Variants in VANGL1 observed in about 807,000 individuals in gnomAD.
VANGL1 encodes the protein vang-like protein 1.
Under a neutral mutation model 48.4 loss-of-function variants are expected in VANGL1, and 18 were observed. The observed-to-expected ratio is 0.37, with a 90% confidence interval of 0.26 to 0.55. The LOEUF is 0.55. VANGL1 is among the 20% of genes least tolerant of loss of function. VANGL1 has a pLI of 0.81. For missense variants in VANGL1, 667 were observed against 675.8 expected, an observed-to-expected ratio of 0.99 and a Z score of 0.14; for synonymous variants, 257 against 261.8, an observed-to-expected ratio of 0.98 and a Z score of 0.18.
intron 1 of VANGL1, among the ~76,000 whole-genome samples, chr1:115,647,198 CA>C (rs1362460675): frequency 1.7e-4 from 25 of 145,120 alleles, no homozygotes; most frequent in African/African-American, 6.5e-4. Context: ...TGAGTCATGT[CA>C]GGGGTCAGTA....
At chr1:115,666,136 C>A (rs1652775826) in intron 4 of VANGL1, among the ~76,000 whole-genome samples, 1 of 152,184 alleles carries the variant, frequency 6.6e-6, no homozygotes, top group East Asian at 1.9e-4. Flanking sequence ...ATTTGGAACT[C>A]TGTATATGTA....
At chr1:115,678,159 T>G (rs1323911974) in intron 4 of VANGL1, among the ~76,000 whole-genome samples, 1 of 152,212 alleles carries the variant, frequency 6.6e-6, no homozygotes, top group African/African-American at 2.4e-5. Flanking sequence ...CCAGCTTCCT[T>G]GACTCCCTCG....
At chr1:115,678,811 C>G (rs1340566652) in intron 4 of VANGL1, among the ~76,000 whole-genome samples, 1 of 152,010 alleles carries the variant, frequency 6.6e-6, no homozygotes, top group Non-Finnish European at 1.5e-5. Context: ...CAAAATTTAG[C>G]TGGGCGTGGT....
chr1:115,691,323 A>C lies in VANGL1; in HGVS notation c.1519A>C (p.Ile507Leu). Residue 507 changes from isoleucine to leucine, a missense_variant, in exon 8 of 8, where the codon ATA becomes CTA. Physicochemically the swap from Ile to Leu is conservative, Grantham distance 5 (BLOSUM62 2). Transcript: ENST00000355485. ...ATTCATCATACTCTCTGAAGAGTTCATAGACCCCAAATCTCACAAATTTGT... is the reference window on the plus strand; with the variant it reads ...ATTCATCATACTCTCTGAAGAGTTCCTAGACCCCAAATCTCACAAATTTGT... ...IPFIILSEEF[I>L]DPKSHKFVLR... 2 of 1,614,224 alleles carry C rather than the reference A, an allele frequency of 1.2e-6. No individual in the cohort carries two copies. The highest frequency in any genetic ancestry group is 1.7e-6 in the Non-Finnish European group (2 of 1,180,030).
chr1:115,663,214 A>G (rs1181462930), intron 3 of VANGL1, among the ~76,000 whole-genome samples: 8 of 152,172 alleles, frequency 5.3e-5, no homozygotes, highest in African/African-American at 1.9e-4. Context: ...CCCACCTCCA[A>G]AAGTTGGACT....
In VANGL1 at chr1:115,694,070, T is replaced by C. The variant is rs535369631; in HGVS notation, c.*2691T>C. Reference sequence around the variant, plus strand: ...CTGGTAGATAATTTGTTCTTAAATATGTACTTTTGAAGATAGGACAGTTTT... The same window carrying C: ...CTGGTAGATAATTTGTTCTTAAATACGTACTTTTGAAGATAGGACAGTTTT... On this transcript the variant is annotated 3_prime_UTR_variant, in exon 8 of 8. Coordinates refer to ENST00000355485, the MANE Select transcript of VANGL1 (RefSeq NM_138959.3). 26 of 152,380 alleles carry C rather than the reference T, an allele frequency of 1.7e-4. No individual in the cohort carries two copies. The highest frequency in any genetic ancestry group is 2.8e-4 in the Non-Finnish European group (19 of 68,038). The allele number at this position is 152,380 out of a possible 1,614,324, so 9.4% of individuals were successfully genotyped here. A position where few individuals can be genotyped will look rare whatever the true frequency, so the allele number is the denominator to read the frequency against.
intron 1 of VANGL1, among the ~76,000 whole-genome samples, chr1:115,644,537 T>C (rs1214314950): frequency 6.6e-6 from 1 of 152,202 alleles, no homozygotes; most frequent in Non-Finnish European, 1.5e-5. Flanking sequence ...TTAGCAGTAT[T>C]GGTTTGATGT....
chr1:115,651,386 C>G lies in VANGL1; in HGVS notation c.-28C>G. The G allele has an allele frequency of 1.2e-6, 2 of 1,609,448 alleles. No individual in the cohort carries two copies. Among genetic ancestry groups the G allele is most frequent in the Non-Finnish European group, 1.7e-6 (2 of 1,176,328 alleles). ...CTCTAAGGAGAAACAGTACCTGCTC[C>G]TTCCTCAAGCGCAAGCCCTCCATTG... On this transcript the variant is annotated 5_prime_UTR_variant, in exon 2 of 8. Transcript: ENST00000355485.
intron 4 of VANGL1, among the ~76,000 whole-genome samples, chr1:115,670,516 C>G (rs1239216581): frequency 1.3e-5 from 2 of 152,176 alleles, no homozygotes; most frequent in African/African-American, 4.8e-5. Context: ...TCCAGTAATT[C>G]CAGGATATTT....
intron 2 of VANGL1, among the ~76,000 whole-genome samples, chr1:115,657,864 C>T (rs1652406322): frequency 6.6e-6 from 1 of 152,196 alleles, no homozygotes; most frequent in African/African-American, 2.4e-5. Flanking sequence ...GAAAGTGAAG[C>T]AGTAGCAGGC....
intron 7 of VANGL1, 145 bp downstream of exon 7, chr1:115,685,672 T>G: frequency 1.1e-6 from 1 of 910,232 alleles, no homozygotes; most frequent in Non-Finnish European, 1.7e-6. Context: ...TTCTCACTTA[T>G]TTTATGTTAT....
chr1:115,645,662 C>G (rs1360970071), intron 1 of VANGL1, among the ~76,000 whole-genome samples: 1 of 152,128 alleles, frequency 6.6e-6, no homozygotes, highest in South Asian at 2.1e-4. Context: ...TTGTCACTTT[C>G]CCCTTGAGTG....
intron 4 of VANGL1, among the ~76,000 whole-genome samples, chr1:115,665,706 G>A (rs917445206): frequency 6.6e-6 from 1 of 152,214 alleles, no homozygotes; most frequent in South Asian, 2.1e-4. Flanking sequence ...AAAATCTGGG[G>A]TTTAGAGTCC....
At chr1:115,677,189 T>C (rs1653200058) in intron 4 of VANGL1, among the ~76,000 whole-genome samples, 1 of 152,290 alleles carries the variant, frequency 6.6e-6, no homozygotes, top group South Asian at 2.1e-4. Context: ...GTCTTTCAGA[T>C]TTTTGTGCAT....
intron 4 of VANGL1, among the ~76,000 whole-genome samples, chr1:115,676,081 A>C (rs890707331): frequency 2.6e-5 from 4 of 152,216 alleles, no homozygotes; most frequent in African/African-American, 9.6e-5. Context: ...TAGTTTATAA[A>C]TGCCTTCACT....
intron 7 of VANGL1, among the ~76,000 whole-genome samples, chr1:115,690,356 T>C (rs1363241778): frequency 6.6e-6 from 1 of 152,228 alleles, no homozygotes; most frequent in Non-Finnish European, 1.5e-5. Context: ...TGACAGTGTT[T>C]AGCTGGAGGA....
intron 4 of VANGL1, chr1:115,671,389 A>G (rs952397164): frequency 2.0e-5 from 3 of 151,954 alleles, no homozygotes; most frequent in East Asian, 1.9e-4. Flanking sequence ...CCGCCACTCA[A>G]CTCTGCTCCA....
At chr1:115,661,436 G>A (rs1652541584) in intron 3 of VANGL1, among the ~76,000 whole-genome samples, 2 of 151,880 alleles carry the variant, frequency 1.3e-5, no homozygotes, top group Non-Finnish European at 2.9e-5. Flanking sequence ...AGAATCATAT[G>A]GTCCATCTCC....
chr1:115,680,030 AG>A (rs1653325752), intron 4 of VANGL1, among the ~76,000 whole-genome samples: 5 of 143,192 alleles, frequency 3.5e-5, no homozygotes, highest in African/African-American at 1.4e-4. Flanking sequence ...TGTATGTGAG[AG>A]AGAGAGAGAG....
Sources: gnomAD v4.1 joint callset for allele counts (sites outside exome capture counted in the v4.1 genomes callset) on GRCh38, gnomAD v4.1.1 for gene constraint, MANE v1.5 for transcripts, NCBI Gene and HGNC (gene_info 2026-07-23, HGNC 2026-07-21) for gene names.